The following SNTB1 variants were observed in gnomAD, a reference collection of about 807,000 sequenced individuals.
SNTB1 encodes syntrophin beta 1, also known as beta-1-syntrophin.
SNTB1 carries 36 observed loss-of-function variants against 48.9 expected under a neutral mutation model. The ratio of observed to expected loss-of-function variants is 0.74; its 90% CI spans 0.56 to 0.97. SNTB1 has a LOEUF of 0.97. Ranked by LOEUF, SNTB1 falls within the 50% of genes least tolerant of loss-of-function variation. The probability of loss-of-function intolerance (pLI) is 0.00; values close to 1 mark genes in which losing one functional copy is unlikely to be tolerated. For missense variants in SNTB1, 786 were observed against 703.4 expected (o/e 1.12, Z -1.33); for synonymous variants, 299 against 294.6 (o/e 1.01, Z -0.15).
chr8:120,799,574 C>T (rs1742976677), intron 1 of SNTB1, among the ~76,000 whole-genome samples: 1 of 151,152 alleles, frequency 6.6e-6, no homozygotes, highest in Non-Finnish European at 1.5e-5. Context: ...ATCTAGTTCT[C>T]CAGAATGAAA....
At chr8:120,554,682 T>C (rs1815536880) in intron 4 of SNTB1, among the ~76,000 whole-genome samples, 1 of 152,190 alleles carries the variant, frequency 6.6e-6, no homozygotes, top group Non-Finnish European at 1.5e-5. Flanking sequence ...ATTAGAAGTG[T>C]TTCGAGTCTA....
intron 5 of SNTB1, among the ~76,000 whole-genome samples, chr8:120,546,520 G>A (rs934898954): frequency 2.6e-5 from 4 of 152,110 alleles, no homozygotes; most frequent in African/African-American, 9.7e-5. Context: ...TTTTCACTCA[G>A]TCTGGAGTGC....
chr8:120,643,856 G>C (rs1458977077), intron 2 of SNTB1, among the ~76,000 whole-genome samples: 5 of 152,124 alleles, frequency 3.3e-5, no homozygotes, highest in Non-Finnish European at 7.4e-5. Context: ...TTTCCATAGT[G>C]GTTTTACTAG....
intron 1 of SNTB1, among the ~76,000 whole-genome samples, chr8:120,759,457 G>T (rs560037752): frequency 1.3e-5 from 2 of 152,036 alleles, no homozygotes; most frequent in Admixed American, 1.3e-4. Flanking sequence ...CCTTAAATTA[G>T]CATACTTCTT....
At chr8:120,588,248 AT>A (rs1169024964) in intron 3 of SNTB1, among the ~76,000 whole-genome samples, 2 of 152,134 alleles carry the variant, frequency 1.3e-5, no homozygotes, top group Admixed American at 6.5e-5. Context: ...TGGCCTCAAC[AT>A]CACACCAACA....
chr8:120,704,599 C>A (rs1050022341), intron 1 of SNTB1, among the ~76,000 whole-genome samples: 2 of 152,118 alleles, frequency 1.3e-5, no homozygotes. Context: ...CTACCGAGAT[C>A]TTGCTCATTT....
intron 1 of SNTB1, among the ~76,000 whole-genome samples, chr8:120,796,453 A>C (rs1763274297): frequency 6.6e-6 from 1 of 152,004 alleles, no homozygotes; most frequent in African/African-American, 2.4e-5. Context: ...AATCCAAAAA[A>C]TAGAGATTAA....
rs1369541760 is a variant in SNTB1 at position 120,537,622 on chromosome 8, T to C, written c.*1255A>G. 2 of 152,214 alleles carry C rather than the reference T, an allele frequency of 1.3e-5. No homozygotes were observed. The highest frequency in any genetic ancestry group is 4.8e-5 in the African/African-American group (2 of 41,458). The allele number at this position is 152,214 out of a possible 1,614,324, so 9.4% of individuals were successfully genotyped here. A position where few individuals can be genotyped will look rare whatever the true frequency, so the allele number is the denominator to read the frequency against. ...ACAGGAAAAGTGTTAGAAATGTTTA[T>C]AGAGATCCTAGAGCTCATTTTCAAG... On this transcript the variant is annotated 3_prime_UTR_variant, in exon 7 of 7. Coordinates refer to ENST00000517992, the MANE Select transcript of SNTB1 (RefSeq NM_021021.4).
chr8:120,580,094 T>G (rs1236352981), intron 3 of SNTB1, among the ~76,000 whole-genome samples: 1 of 152,248 alleles, frequency 6.6e-6, no homozygotes, highest in Non-Finnish European at 1.5e-5. Flanking sequence ...TAAAGTTATC[T>G]GCTACTAGGC....
intron 3 of SNTB1, among the ~76,000 whole-genome samples, chr8:120,629,321 AGTT>A: frequency 6.6e-6 from 1 of 152,356 alleles, no homozygotes; most frequent in South Asian, 2.1e-4. Context: ...TTAAAAAGGA[AGTT>A]GTTGTTTCAT....
intron 1 of SNTB1, among the ~76,000 whole-genome samples, chr8:120,779,977 G>C (rs1819806130): frequency 6.6e-6 from 1 of 151,574 alleles, no homozygotes; most frequent in Non-Finnish European, 1.5e-5. Context: ...ATTGAGTAGA[G>C]ACCGGTGGGG....
chr8:120,777,501 C>T (rs1819755863), intron 1 of SNTB1, among the ~76,000 whole-genome samples: 1 of 152,168 alleles, frequency 6.6e-6, no homozygotes, highest in Admixed American at 6.5e-5. Context: ...CCCCTTTCTC[C>T]CAATTTGCCA....
chr8:120,561,317 C>T, intron 4 of SNTB1, among the ~76,000 whole-genome samples: 2 of 55,542 alleles, frequency 3.6e-5, no homozygotes, highest in East Asian at 9.9e-4. Context: ...GAAACTCCAT[C>T]TCAAAAAAAA....
At chr8:120,774,189 C>G (rs1819691177) in intron 1 of SNTB1, among the ~76,000 whole-genome samples, 1 of 152,122 alleles carries the variant, frequency 6.6e-6, no homozygotes, top group Non-Finnish European at 1.5e-5. Flanking sequence ...TGAGCTGAAT[C>G]TAGAAGAAAG....
intron 2 of SNTB1, among the ~76,000 whole-genome samples, chr8:120,650,002 G>A (rs200604667): frequency 6.6e-6 from 1 of 152,202 alleles, no homozygotes; most frequent in Non-Finnish European, 1.5e-5. Context: ...TCCCAAGTGA[G>A]GCAATGCCTC....
chr8:120,806,132 A>T (rs568319668), intron 1 of SNTB1, among the ~76,000 whole-genome samples: 18 of 152,220 alleles, frequency 1.2e-4, no homozygotes, highest in Non-Finnish European at 2.1e-4. Flanking sequence ...CTTACAGGAC[A>T]CCAGTTCTCA....
intron 1 of SNTB1, among the ~76,000 whole-genome samples, chr8:120,714,275 G>A (rs1024464282): frequency 4.6e-5 from 7 of 152,048 alleles, no homozygotes; most frequent in Admixed American, 2.6e-4. Flanking sequence ...AAAGCAGTGC[G>A]TGCAAGCCAT....
chr8:120,639,702 T>A (rs554144795), intron 2 of SNTB1, among the ~76,000 whole-genome samples: 7 of 152,306 alleles, frequency 4.6e-5, no homozygotes, highest in African/African-American at 1.7e-4. Context: ...TGTGTGGTAT[T>A]ATTTCTGAGG....
At chr8:120,647,151 G>C (rs1315343267) in intron 2 of SNTB1, among the ~76,000 whole-genome samples, 1,734 of 136,254 alleles carry the variant, frequency 0.013, 53 homozygotes, top group African/African-American at 0.045. Context: ...AGGGTTTTTT[G>C]TGTCTCTATT....
Sources: gnomAD v4.1 joint callset for allele counts (sites outside exome capture counted in the v4.1 genomes callset) on GRCh38, gnomAD v4.1.1 for gene constraint, MANE v1.5 for transcripts, NCBI Gene and HGNC (gene_info 2026-07-23, HGNC 2026-07-21) for gene names.